The following STX18 variants were observed in gnomAD, a reference collection of about 807,000 sequenced individuals.
STX18 encodes the protein syntaxin-18.
Under a neutral mutation model 50.1 loss-of-function variants are expected in STX18, and 40 were observed. The observed-to-expected ratio is 0.80, with a 90% CI of 0.62 to 1.04. The LOEUF (loss-of-function observed/expected upper bound fraction) is 1.04. STX18 is among the 50% of genes least tolerant of loss of function. STX18 has a pLI of 0.00. For synonymous variants in STX18, 158 were observed against 151.8 expected (o/e 1.04, Z -0.30); for missense variants, 410 against 415.8 (o/e 0.99, Z 0.12).
chr4:4,443,046 T>A (rs377496710), intron 5 of STX18, among the ~76,000 whole-genome samples: 1 of 152,198 alleles, frequency 6.6e-6, no homozygotes, highest in East Asian at 1.9e-4. Context: ...GGTCAGGCTG[T>A]GAAGTAGGCA....
chr4:4,423,468 C>T, intron 9 of STX18, 50 bp downstream of exon 9: 2 of 1,573,498 alleles, frequency 1.3e-6, no homozygotes, highest in Non-Finnish European at 8.7e-7. Context: ...CTCTCAAGTA[C>T]ATTCCCCTTT....
chr4:4,423,366 C>A (rs994046511), intron 9 of STX18, 152 bp downstream of exon 9: 1 of 764,722 alleles, frequency 1.3e-6, no homozygotes, highest in African/African-American at 1.8e-5. Context: ...AGAGCTTTTC[C>A]CTGAGGAGCT....
intron 1 of STX18, among the ~76,000 whole-genome samples, chr4:4,501,708 T>C (rs1729470112): frequency 6.6e-6 from 1 of 152,232 alleles, no homozygotes; most frequent in Non-Finnish European, 1.5e-5. Context: ...ATCTTGCTTC[T>C]CTGGAAGCAG....
intron 1 of STX18, among the ~76,000 whole-genome samples, chr4:4,514,981 T>G (rs141466143): frequency 5.9e-5 from 9 of 152,290 alleles, no homozygotes; most frequent in African/African-American, 1.9e-4. Flanking sequence ...GGAAATCATA[T>G]TATCCAAGTT....
intron 1 of STX18, among the ~76,000 whole-genome samples, chr4:4,488,876 G>C (rs1023811918): frequency 4.6e-5 from 7 of 152,188 alleles, no homozygotes; most frequent in Admixed American, 4.6e-4. Flanking sequence ...CTGTTACCTT[G>C]TTCATTTTCT....
At chr4:4,482,969 G>A (rs944656929) in intron 1 of STX18, among the ~76,000 whole-genome samples, 3 of 152,142 alleles carry the variant, frequency 2.0e-5, no homozygotes, top group Non-Finnish European at 2.9e-5. Flanking sequence ...AATCTTACGG[G>A]ACTGCGGCTT....
intron 1 of STX18, among the ~76,000 whole-genome samples, chr4:4,509,419 G>A (rs1358995904): frequency 6.7e-6 from 1 of 149,450 alleles, no homozygotes; most frequent in Non-Finnish European, 1.5e-5. Context: ...TTTTTTTCTT[G>A]TAAATTTGTT....
chr4:4,476,320 G>A (rs950775902), intron 1 of STX18, among the ~76,000 whole-genome samples: 1 of 152,160 alleles, frequency 6.6e-6, no homozygotes, highest in African/African-American at 2.4e-5. Context: ...GGAAAGGAAT[G>A]TAATATTTAT....
At chr4:4,469,002 CAT>C (rs1379539198) in intron 2 of STX18, among the ~76,000 whole-genome samples, 1 of 152,156 alleles carries the variant, frequency 6.6e-6, no homozygotes, top group Non-Finnish European at 1.5e-5. Flanking sequence ...ACCTCAAAAA[CAT>C]GTGGAGTAAA....
At chr4:4,499,191 A>T (rs1308453793) in intron 1 of STX18, among the ~76,000 whole-genome samples, 1 of 152,208 alleles carries the variant, frequency 6.6e-6, no homozygotes, top group Non-Finnish European at 1.5e-5. Flanking sequence ...AACCCATTTC[A>T]AATTTGAAAC....
chr4:4,500,989 A>G (rs1222038325), intron 1 of STX18, among the ~76,000 whole-genome samples: 1 of 152,196 alleles, frequency 6.6e-6, no homozygotes, highest in Non-Finnish European at 1.5e-5. Context: ...GTGAGCCGAG[A>G]TGGCGCCATT....
chr4:4,497,490 G>T (rs1243056499), intron 1 of STX18, among the ~76,000 whole-genome samples: 1 of 152,068 alleles, frequency 6.6e-6, no homozygotes, highest in African/African-American at 2.4e-5. Context: ...CTTACGTAAC[G>T]CTATGCACCA....
chr4:4,486,650 G>T (rs1728713152), intron 1 of STX18, among the ~76,000 whole-genome samples: 2 of 152,204 alleles, frequency 1.3e-5, no homozygotes, highest in African/African-American at 4.8e-5. Flanking sequence ...ATTAGGAAGT[G>T]TCGGAGCTGT....
rs1724832986 is a variant in STX18, at chr4:4,419,838, A to G, written c.*196T>C. On this transcript the variant is annotated 3_prime_UTR_variant, in exon 11 of 11. Coordinates refer to ENST00000306200, the MANE Select transcript of STX18 (RefSeq NM_016930.4). ...ATTGGTGTGCACTGTTTCCTTTTTC[A>G]GCTGCTAAATGGCTGAACACCATCG... 2 of 529,174 alleles carry G rather than the reference A, an allele frequency of 3.8e-6. No individual in the cohort carries two copies. Among genetic ancestry groups the G allele is most frequent in the Non-Finnish European group, 6.5e-6 (2 of 307,610 alleles). The allele number at this position is 529,174 out of a possible 1,614,324, so 32.8% of individuals were successfully genotyped here. A position where few individuals can be genotyped will look rare whatever the true frequency, so the allele number is the denominator to read the frequency against.
intron 2 of STX18, 42 bp downstream of exon 2, chr4:4,471,597 G>A (rs2108835976): frequency 7.3e-7 from 1 of 1,370,558 alleles, no homozygotes; most frequent in South Asian, 1.4e-5. Flanking sequence ...GTGTAGAAAA[G>A]AACACAGTCA....
At chr4:4,458,476 G>T (rs7690810) in intron 3 of STX18, among the ~76,000 whole-genome samples, 1 of 151,956 alleles carries the variant, frequency 6.6e-6, no homozygotes, top group African/African-American at 2.4e-5. Flanking sequence ...CAAGTGGTCC[G>T]TCAGCATTCT....
chr4:4,507,506 C>T (rs4345117), intron 1 of STX18: 1 of 768,728 alleles, frequency 1.3e-6, no homozygotes, highest in African/African-American at 1.7e-5. Flanking sequence ...AGAATTCTGC[C>T]TAAGCCAATT....
chr4:4,424,602 T>C (rs1725149297), intron 8 of STX18, among the ~76,000 whole-genome samples: 2 of 152,098 alleles, frequency 1.3e-5, no homozygotes, highest in South Asian at 2.1e-4. Context: ...TTGATTTTAT[T>C]TGGGGGACAT....
chr4:4,464,374 T>G (rs1330311899), intron 2 of STX18, among the ~76,000 whole-genome samples: 1 of 152,256 alleles, frequency 6.6e-6, no homozygotes, highest in Admixed American at 6.5e-5. Flanking sequence ...AATGGCATTT[T>G]CGATGACTTG....
Sources: allele counts gnomAD v4.1 joint callset (sites outside exome capture counted in the v4.1 genomes callset), GRCh38; gene constraint gnomAD v4.1.1; transcripts MANE v1.5; gene names NCBI Gene and HGNC (gene_info 2026-07-23, HGNC 2026-07-21).